Variants in MEF2A observed in about 807,000 individuals in gnomAD.
The protein encoded by MEF2A is myocyte-specific enhancer factor 2A.
MEF2A carries 28 observed loss-of-function variants against 55.8 expected under a neutral mutation model. That is an observed-to-expected ratio of 0.50 (90% CI 0.37 to 0.69). The LOEUF is 0.69. MEF2A is among the 30% of genes least tolerant of loss of function. The probability of loss-of-function intolerance (pLI) is 0.00; values close to 1 mark genes in which losing one functional copy is unlikely to be tolerated. For synonymous variants in MEF2A, 239 were observed against 227.1 expected, an observed-to-expected ratio of 1.05 and a Z score of -0.47; for missense variants, 528 against 626.2, an observed-to-expected ratio of 0.84 and a Z score of 1.67.
intron 3 of MEF2A, among the ~76,000 whole-genome samples, chr15:99,635,852 G>A (rs551088698): frequency 3.3e-5 from 5 of 152,186 alleles, no homozygotes; most frequent in African/African-American, 1.2e-4. Context: ...CATTTGGATT[G>A]TTTTCTACTT....
chr15:99,653,441 G>A (rs1393231187), intron 4 of MEF2A, among the ~76,000 whole-genome samples: 1 of 152,158 alleles, frequency 6.6e-6, no homozygotes, highest in Non-Finnish European at 1.5e-5. Context: ...TATGCAATCA[G>A]TGCTGTACTG....
At chr15:99,639,347 G>T (rs377567666) in intron 3 of MEF2A, among the ~76,000 whole-genome samples, 2 of 152,000 alleles carry the variant, frequency 1.3e-5, no homozygotes, top group East Asian at 1.9e-4. Context: ...TTCAACATGG[G>T]TTTAAAGTTT....
At chr15:99,584,963 AT>A (rs1003097163) in intron 1 of MEF2A, among the ~76,000 whole-genome samples, 8 of 151,818 alleles carry the variant, frequency 5.3e-5, no homozygotes, top group African/African-American at 1.9e-4. Flanking sequence ...GTGGAAGGGC[AT>A]GGGGGGGATA....
chr15:99,600,156 ACT>A (rs1972495253), intron 2 of MEF2A, among the ~76,000 whole-genome samples: 1 of 152,112 alleles, frequency 6.6e-6, no homozygotes, highest in African/African-American at 2.4e-5. Flanking sequence ...TTAGCTGAGA[ACT>A]CTGTACTTTC....
chr15:99,634,945 TAA>T (rs2043527736), intron 3 of MEF2A, among the ~76,000 whole-genome samples: 1 of 152,218 alleles, frequency 6.6e-6, no homozygotes. Flanking sequence ...TGTCACAAAC[TAA>T]AAGAGTATCT....
chr15:99,646,587 G>T (rs1380513620), intron 4 of MEF2A, among the ~76,000 whole-genome samples: 1 of 152,026 alleles, frequency 6.6e-6, no homozygotes, highest in Non-Finnish European at 1.5e-5. Context: ...CATTTCTTTG[G>T]TGAAAGTACT....
At chr15:99,659,123 G>C (rs755730357) in intron 4 of MEF2A, among the ~76,000 whole-genome samples, 3 of 152,138 alleles carry the variant, frequency 2.0e-5, no homozygotes, top group African/African-American at 4.8e-5. Flanking sequence ...CTTGTCTGTG[G>C]TGCACTGAGA....
chr15:99,710,187 G>A (rs909477194), intron 10 of MEF2A, among the ~76,000 whole-genome samples: 1 of 152,212 alleles, frequency 6.6e-6, no homozygotes, highest in African/African-American at 2.4e-5. Context: ...GCGGATTTTA[G>A]ACCCACATGT....
chr15:99,611,233 C>G (rs1977174373), intron 2 of MEF2A, among the ~76,000 whole-genome samples: 1 of 152,174 alleles, frequency 6.6e-6, no homozygotes, highest in Non-Finnish European at 1.5e-5. Context: ...CAGAACGAGA[C>G]TCTGTCTCAA....
intron 1 of MEF2A, among the ~76,000 whole-genome samples, chr15:99,587,984 A>G (rs1430388054): frequency 3.9e-5 from 6 of 152,162 alleles, no homozygotes; most frequent in African/African-American, 1.4e-4. Flanking sequence ...GTGAGAGTGG[A>G]CATTCTTGTT....
chr15:99,701,439 G>A (rs917588273), intron 8 of MEF2A, among the ~76,000 whole-genome samples: 4 of 152,166 alleles, frequency 2.6e-5, no homozygotes, highest in Non-Finnish European at 5.9e-5. Flanking sequence ...AAAGACTGAG[G>A]AACTGTCACA....
At chr15:99,597,026 A>T (rs1322603713) in intron 1 of MEF2A, among the ~76,000 whole-genome samples, 2 of 152,198 alleles carry the variant, frequency 1.3e-5, no homozygotes, top group African/African-American at 4.8e-5. Context: ...CCCTGTAATA[A>T]TTGCATTAAC....
At chr15:99,584,242 C>T (rs1966737764) in intron 1 of MEF2A, among the ~76,000 whole-genome samples, 1 of 152,052 alleles carries the variant, frequency 6.6e-6, no homozygotes, top group African/African-American at 2.4e-5. Flanking sequence ...GAATGTCAGC[C>T]AATATGTGGA....
At chr15:99,623,805 G>T (rs969635768) in intron 2 of MEF2A, among the ~76,000 whole-genome samples, 7 of 139,140 alleles carry the variant, frequency 5.0e-5, no homozygotes, top group East Asian at 2.1e-4. Flanking sequence ...ATGATCTGCC[G>T]TTTTTTTTTT....
intron 5 of MEF2A, chr15:99,671,705 T>G (rs182073236): frequency 6.8e-7 from 1 of 1,462,332 alleles, no homozygotes; most frequent in East Asian, 2.4e-5. Context: ...CATGAAGAGA[T>G]TGACCAAACA....
At chr15:99,571,851 A>G (rs193217355) in intron 1 of MEF2A, among the ~76,000 whole-genome samples, 15 of 152,230 alleles carry the variant, frequency 9.9e-5, no homozygotes, top group African/African-American at 3.4e-4. Flanking sequence ...TCTTAAGTCC[A>G]ATCCATCCCC....
intron 4 of MEF2A, among the ~76,000 whole-genome samples, chr15:99,669,524 A>G (rs2050439654): frequency 6.6e-6 from 1 of 152,226 alleles, no homozygotes; most frequent in African/African-American, 2.4e-5. Context: ...ATGGCCAAGC[A>G]CACATAAAAG....
intron 2 of MEF2A, among the ~76,000 whole-genome samples, chr15:99,628,196 C>G (rs2042346664): frequency 6.6e-6 from 1 of 152,072 alleles, no homozygotes; most frequent in African/African-American, 2.4e-5. Context: ...CTATATCTAT[C>G]CATGCAATCC....
intron 2 of MEF2A, among the ~76,000 whole-genome samples, chr15:99,619,837 G>A (rs1408528000): frequency 6.6e-6 from 1 of 152,216 alleles, no homozygotes; most frequent in East Asian, 1.9e-4. Flanking sequence ...AGGTTATACA[G>A]CTAGTTTAGT....
Sources: allele counts gnomAD v4.1 joint callset (sites outside exome capture counted in the v4.1 genomes callset), GRCh38; gene constraint gnomAD v4.1.1; transcripts MANE v1.5; gene names NCBI Gene and HGNC (gene_info 2026-07-23, HGNC 2026-07-21).